Variants in DLG2 observed in about 807,000 individuals in gnomAD.
The protein encoded by DLG2 is discs large MAGUK scaffold protein 2, also known as disks large homolog 2.
A neutral mutation model predicts 132.5 loss-of-function variants in DLG2; 45 were observed. The ratio of observed to expected loss-of-function variants is 0.34; its 90% CI spans 0.27 to 0.44. The LOEUF (loss-of-function observed/expected upper bound fraction) is 0.44. Ranked by LOEUF, DLG2 falls within the 20% of genes least tolerant of loss-of-function variation. The pLI, the probability that DLG2 is intolerant of heterozygous loss-of-function variation, is 1.00. For synonymous variants in DLG2, 424 were observed against 419.6 expected, an observed-to-expected ratio of 1.01 and a Z score of -0.13; for missense variants, 1,045 against 1,196.9, an observed-to-expected ratio of 0.87 and a Z score of 1.87.
At chr11:83,742,367 T>C (rs992575169) in intron 18 of DLG2, among the ~76,000 whole-genome samples, 1 of 152,076 alleles carries the variant, frequency 6.6e-6, no homozygotes, top group South Asian at 2.1e-4. Context: ...TTTTTAAAAC[T>C]TTAAAAGAGA....
At chr11:83,681,042 G>GA (rs2078699429) in intron 18 of DLG2, among the ~76,000 whole-genome samples, 1 of 152,166 alleles carries the variant, frequency 6.6e-6, no homozygotes, top group African/African-American at 2.4e-5. Flanking sequence ...TTAGAAGACA[G>GA]TAGCTACTTG....
chr11:83,461,560 A>C (rs2090020914), intron 27 of DLG2: 1 of 154,384 alleles, frequency 6.5e-6, no homozygotes, highest in African/African-American at 2.4e-5. Flanking sequence ...GCTGATAGGG[A>C]CACTGATGAA....
At chr11:84,531,820 A>T (rs1284458516) in intron 7 of DLG2, among the ~76,000 whole-genome samples, 3 of 152,158 alleles carry the variant, frequency 2.0e-5, no homozygotes, top group Non-Finnish European at 4.4e-5. Context: ...TATAACAGAA[A>T]ATCTAGGCTA....
intron 6 of DLG2, among the ~76,000 whole-genome samples, chr11:84,799,505 T>G (rs964873975): frequency 2.0e-5 from 3 of 152,216 alleles, no homozygotes; most frequent in Admixed American, 6.5e-5. Flanking sequence ...GATTTTTTAT[T>G]CTTATGAAGG....
chr11:85,378,723 C>T (rs2152927403), intron 3 of DLG2, among the ~76,000 whole-genome samples: 1 of 152,180 alleles, frequency 6.6e-6, no homozygotes, highest in East Asian at 1.9e-4. Context: ...GTAGGCAGAT[C>T]AATATTTAAT....
chr11:85,003,201 C>T (rs2058361847), intron 6 of DLG2, among the ~76,000 whole-genome samples: 4 of 151,986 alleles, frequency 2.6e-5, no homozygotes, highest in Admixed American at 2.6e-4. Context: ...ATGTAATGAT[C>T]CATTCAAGCC....
intron 8 of DLG2, among the ~76,000 whole-genome samples, chr11:84,197,822 G>A (rs917544575): frequency 1.3e-5 from 2 of 152,110 alleles, no homozygotes; most frequent in African/African-American, 4.8e-5. Context: ...TTCTGGTCAC[G>A]TTTTATAGGT....
intron 6 of DLG2, among the ~76,000 whole-genome samples, chr11:84,898,933 C>T (rs565462319): frequency 2.6e-5 from 4 of 152,104 alleles, no homozygotes; most frequent in African/African-American, 9.6e-5. Flanking sequence ...ATATGCCTAC[C>T]TCTATGTACT....
intron 5 of DLG2, among the ~76,000 whole-genome samples, chr11:85,128,519 A>C (rs758716846): frequency 2.6e-5 from 4 of 152,130 alleles, no homozygotes; most frequent in Admixed American, 1.3e-4. Flanking sequence ...CAAATCCTTT[A>C]TGTTATTACA....
chr11:84,234,613 C>G (rs977604929), intron 8 of DLG2, among the ~76,000 whole-genome samples: 14 of 152,242 alleles, frequency 9.2e-5, no homozygotes, highest in African/African-American at 2.9e-4. Context: ...AAAGTAAACC[C>G]AAAACACTAG....
chr11:84,245,352 TATG>T (rs2097289342), intron 8 of DLG2, among the ~76,000 whole-genome samples: 2 of 152,220 alleles, frequency 1.3e-5, no homozygotes, highest in Admixed American at 1.3e-4. Context: ...GCTGATATTA[TATG>T]ATATTATAAT....
chr11:85,153,066 A>G (rs2077361081), intron 5 of DLG2, among the ~76,000 whole-genome samples: 6 of 152,214 alleles, frequency 3.9e-5, no homozygotes, highest in African/African-American at 1.2e-4. Flanking sequence ...TTTCATATAT[A>G]ACTATCCCAT....
chr11:85,110,634 C>T (rs77728180), intron 6 of DLG2, among the ~76,000 whole-genome samples: 2,474 of 152,150 alleles, frequency 0.016, 35 homozygotes, highest in South Asian at 0.031. Flanking sequence ...CTTTCTCCCC[C>T]CTGCCACAGA....
chr11:83,743,843 A>C (rs1317074183), intron 18 of DLG2, among the ~76,000 whole-genome samples: 1 of 152,156 alleles, frequency 6.6e-6, no homozygotes, highest in Non-Finnish European at 1.5e-5. Flanking sequence ...ACGAATGAAA[A>C]CAGGTAAAGG....
chr11:84,764,219 T>A (rs796752518), intron 6 of DLG2, among the ~76,000 whole-genome samples: 22 of 152,284 alleles, frequency 1.4e-4, no homozygotes, highest in African/African-American at 5.1e-4. Flanking sequence ...GTGTGGCAGC[T>A]GGAGGCAGGT....
chr11:83,808,028 C>T (rs146025995), intron 17 of DLG2, among the ~76,000 whole-genome samples: 416 of 152,292 alleles, frequency 2.7e-3, no homozygotes, highest in African/African-American at 9.3e-3. Context: ...CTGCTCCCCA[C>T]GCATACACAT....
intron 18 of DLG2, among the ~76,000 whole-genome samples, chr11:83,643,355 G>C (rs979310606): frequency 1.3e-5 from 2 of 152,166 alleles, no homozygotes; most frequent in African/African-American, 4.8e-5. Context: ...AGCTGCCAAT[G>C]GTGATTCTCT....
intron 3 of DLG2, among the ~76,000 whole-genome samples, chr11:85,482,642 G>T (rs2153091648): frequency 6.6e-6 from 1 of 152,210 alleles, no homozygotes; most frequent in Middle Eastern, 3.4e-3. Flanking sequence ...AAGATCCCAG[G>T]CTCCAGGCCA....
rs1246963709 is a variant in DLG2, at chr11:83,753,882, ATCAT to A, written c.1825+32804_1825+32807del. ...TATATATTTCATATATATGATATATATCATATATATCATATATATATTTCATATA... is the reference window on the plus strand; with the variant it reads ...TATATATTTCATATATATGATATATAATATATCATATATATATTTCATATA... On this transcript the variant is annotated intron_variant, in intron 18 of 27. Coordinates refer to ENST00000376104, the MANE Select transcript of DLG2 (RefSeq NM_001142699.3). Among the ~76,000 whole-genome samples the A allele has an allele frequency of 1.2e-4, 9 of 77,022 alleles. 1 individual carries two copies. Among genetic ancestry groups the A allele is most frequent in the African/African-American group, 1.0e-3 (8 of 7,776 alleles). The allele number at this position is 77,022 out of a possible 152,430, so 50.5% of individuals were successfully genotyped here. A position where few individuals can be genotyped will look rare whatever the true frequency, so the allele number is the denominator to read the frequency against.
Sources: allele counts gnomAD v4.1 joint callset (sites outside exome capture counted in the v4.1 genomes callset), GRCh38; gene constraint gnomAD v4.1.1; transcripts MANE v1.5; gene names NCBI Gene and HGNC (gene_info 2026-07-23, HGNC 2026-07-21).